MAN1A2: variants seen among roughly 807,000 people sequenced by gnomAD.
MAN1A2 encodes the protein mannosidase alpha class 1A member 2.
Under a neutral mutation model 75.7 loss-of-function variants are expected in MAN1A2, and 26 were observed. That is an observed-to-expected ratio of 0.34 (90% CI 0.25 to 0.48). The LOEUF is 0.48. Ranked by LOEUF, MAN1A2 falls within the 20% of genes least tolerant of loss-of-function variation. The pLI, the probability that MAN1A2 is intolerant of heterozygous loss-of-function variation, is 0.99. For missense variants in MAN1A2, 562 were observed against 775.5 expected (o/e 0.72, Z 3.27); for synonymous variants, 247 against 264.6 (o/e 0.93, Z 0.65).
At chr1:117,416,932 A>G (rs1345226741) in intron 4 of MAN1A2, among the ~76,000 whole-genome samples, 1 of 152,146 alleles carries the variant, frequency 6.6e-6, no homozygotes, top group Non-Finnish European at 1.5e-5. Context: ...TGTATGTGTG[A>G]TAAGGGAACA....
rs781248646 is a variant in MAN1A2 at position 117,522,913 on chromosome 1, C to A, written c.1882C>A (p.His628Asn). 1.9e-6 allele frequency: 3 copies of A among 1,611,726 alleles called. No individual in the cohort carries two copies. Among genetic ancestry groups the A allele is most frequent in the South Asian group, 2.2e-5 (2 of 91,040 alleles). ...AGAGGCTCACCCTCTGCCTGTGTTA[C>A]ATTTAGCCAACACCACACTTTCAGG... ...NTEAHPLPVL[H>N]LANTTLSGNP... The change falls in exon 13 of 13, where the codon CAT (histidine) becomes AAT (asparagine). Residue 628 changes from histidine (H) to asparagine (N), a missense_variant. Physicochemically the swap from His to Asn is moderately conservative, Grantham distance 68. Around this residue, in one of 2 missense-constraint regions of MAN1A2, gnomAD observed 434 missense variants for 645.7 expected, o/e 0.67. Transcript: ENST00000356554.
intron 1 of MAN1A2, among the ~76,000 whole-genome samples, chr1:117,383,886 G>T (rs964495722): frequency 2.0e-5 from 3 of 152,074 alleles, no homozygotes; most frequent in Non-Finnish European, 4.4e-5. Context: ...CTCTTCAGTA[G>T]CTGGGACTAC....
In MAN1A2 at chr1:117,525,375, T is replaced by G. The variant is rs193295707; in HGVS notation, c.*2418T>G. 1.3e-4 allele frequency: 32 copies of G among 242,540 alleles called. No individual in the cohort carries two copies. Among genetic ancestry groups the G allele is most frequent in the Admixed American group, 1.1e-3 (25 of 21,748 alleles). 15.0% of individuals were successfully genotyped at this position (242,540 alleles called of 1,614,324 possible). On this transcript the variant is annotated 3_prime_UTR_variant, in exon 13 of 13. Transcript: ENST00000356554. ...TGACTTGCCAGTGTCATGTTTTATT[T>G]TTGTTATAGATTTTTAAATTATTTC...
chr1:117,474,027 G>A (rs1264159079), intron 8 of MAN1A2, among the ~76,000 whole-genome samples: 1 of 151,926 alleles, frequency 6.6e-6, no homozygotes, highest in Non-Finnish European at 1.5e-5. Context: ...TAAATTTGGA[G>A]GTAATAGTAA....
In MAN1A2 at chr1:117,368,295, ATTC is replaced by A; in HGVS notation, c.117_119del (p.Leu41del). 1.2e-6 allele frequency: 2 copies of A among 1,614,062 alleles called. No individual in the cohort carries two copies. Among genetic ancestry groups the A allele is most frequent in the Non-Finnish European group, 1.7e-6 (2 of 1,179,986 alleles). On this transcript the variant is annotated inframe_deletion, in exon 1 of 13. Coordinates refer to ENST00000356554, the MANE Select transcript of MAN1A2 (RefSeq NM_006699.5). ...TACCTTGAGACTTTCTGAGAAGTTT[ATTC>A]TTCTCCTTATTCTTAGTGCCTTCAT... is the stretch of plus-strand genomic sequence containing the variant.
chr1:117,428,775 G>A (rs943202778), intron 5 of MAN1A2, among the ~76,000 whole-genome samples: 12 of 145,296 alleles, frequency 8.3e-5, no homozygotes, highest in Non-Finnish European at 1.5e-5. Flanking sequence ...GAGACAAGAG[G>A]AGACCTTTCT....
chr1:117,458,521 A>ATTTTTTTTTTTTTTTTTTTT (rs1409683905), intron 6 of MAN1A2, among the ~76,000 whole-genome samples: 2 of 94,312 alleles, frequency 2.1e-5, no homozygotes, highest in African/African-American at 8.1e-5. Context: ...AGATATATAT[A>ATTTTTTTTTTTTTTTTTTTT]TATTTTTTTT....
chr1:117,469,820 A>G (rs113325711), intron 8 of MAN1A2, among the ~76,000 whole-genome samples: 1 of 152,166 alleles, frequency 6.6e-6, no homozygotes, highest in Non-Finnish European at 1.5e-5. Context: ...AGGATGAAAA[A>G]TAAGCATTGG....
At chr1:117,505,209 CCT>C (rs1359486986) in intron 12 of MAN1A2, among the ~76,000 whole-genome samples, 1 of 151,176 alleles carries the variant, frequency 6.6e-6, no homozygotes, top group Admixed American at 6.6e-5. Context: ...TCAATTAATG[CCT>C]CTCTCTCATT....
intron 1 of MAN1A2, among the ~76,000 whole-genome samples, chr1:117,380,813 ATTC>A (rs1653310895): frequency 6.6e-6 from 1 of 152,122 alleles, no homozygotes; most frequent in Non-Finnish European, 1.5e-5. Flanking sequence ...CAGGTTTGTT[ATTC>A]TTTTTCAAAA....
chr1:117,404,556 C>A (rs1647551056), intron 2 of MAN1A2, among the ~76,000 whole-genome samples: 1 of 152,072 alleles, frequency 6.6e-6, no homozygotes, highest in East Asian at 1.9e-4. Flanking sequence ...TGGCAGAGAG[C>A]CATTATCAGC....
intron 8 of MAN1A2, among the ~76,000 whole-genome samples, chr1:117,488,475 C>T (rs980338386): frequency 2.0e-5 from 3 of 151,920 alleles, no homozygotes; most frequent in East Asian, 3.9e-4. Context: ...GGATTGCAGG[C>T]GTGAGCCACC....
chr1:117,392,305 A>G (rs779623503), intron 1 of MAN1A2, among the ~76,000 whole-genome samples: 2 of 151,790 alleles, frequency 1.3e-5, no homozygotes, highest in Non-Finnish European at 2.9e-5. Flanking sequence ...TTCGTCTAGA[A>G]TGCCCTTATT....
Position 117,458,530 on chromosome 1 carries a change from T to A in MAN1A2, c.951-1959T>A, listed in dbSNP as rs1305580514. Among the ~76,000 whole-genome samples, 192 of 137,038 alleles carry A rather than the reference T, an allele frequency of 1.4e-3. 3 individuals are homozygous for A. Among genetic ancestry groups the A allele is most frequent in the African/African-American group, 4.9e-3 (182 of 36,832 alleles). The allele number at this position is 137,038 out of a possible 152,430, so 89.9% of individuals were successfully genotyped here. A position where few individuals can be genotyped will look rare whatever the true frequency, so the allele number is the denominator to read the frequency against. ...ATATATAGATATATATATATTTTTT[T>A]TTTTTTTTTTGAGACAGAGTTTCGC... On this transcript the variant is annotated intron_variant, in intron 6 of 12. Coordinates refer to ENST00000356554, the MANE Select transcript of MAN1A2 (RefSeq NM_006699.5).
At position 117,437,912 on chromosome 1, in the gene MAN1A2, C is replaced by G. The variant is rs565508005; in HGVS notation, c.856-4319C>G. On this transcript the variant is annotated intron_variant, in intron 5 of 12. Transcript: ENST00000356554. ...TTTATTTTAAATCTCCACCTTTTGTCTTAATTTATTCAACACTTGTTGAGC... is the reference window on the plus strand; with the variant it reads ...TTTATTTTAAATCTCCACCTTTTGTGTTAATTTATTCAACACTTGTTGAGC... 1.1e-4 allele frequency among the ~76,000 whole-genome samples: 17 copies of G among 152,248 alleles called. No individual in the cohort carries two copies. The East Asian group carries it at 2.1e-3, about 19-fold the overall frequency.
intron 8 of MAN1A2, among the ~76,000 whole-genome samples, chr1:117,473,830 G>A (rs1423229502): frequency 2.0e-5 from 3 of 151,988 alleles, no homozygotes; most frequent in Admixed American, 1.3e-4. Flanking sequence ...TTCTTCCACC[G>A]AGTGGTCCAT....
At chr1:117,428,364 C>T (rs1230149072) in intron 5 of MAN1A2, among the ~76,000 whole-genome samples, 2 of 152,012 alleles carry the variant, frequency 1.3e-5, no homozygotes, top group African/African-American at 4.8e-5. Flanking sequence ...ATCTTCCTGC[C>T]TTGGCCTCCC....
chr1:117,484,426 G>T (rs1277504331), intron 8 of MAN1A2, among the ~76,000 whole-genome samples: 1 of 151,944 alleles, frequency 6.6e-6, no homozygotes, highest in Non-Finnish European at 1.5e-5. Flanking sequence ...AACACTTTCA[G>T]ATTGCTAGTG....
intron 12 of MAN1A2, among the ~76,000 whole-genome samples, chr1:117,512,515 C>T (rs1401231280): frequency 1.3e-5 from 2 of 151,964 alleles, no homozygotes; most frequent in Admixed American, 1.3e-4. Context: ...CTTTGATAAC[C>T]ACTGACATCT....
Sources: gnomAD v4.1 joint callset for allele counts (sites outside exome capture counted in the v4.1 genomes callset) on GRCh38, gnomAD v4.1.1 for gene constraint, gnomAD v4.1.1 regional missense constraint, MANE v1.5 for transcripts, NCBI Gene and HGNC (gene_info 2026-07-23, HGNC 2026-07-21) for gene names.